The following TENM1 variants were observed in gnomAD, a reference collection of about 807,000 sequenced individuals.
The protein encoded by TENM1 is teneurin transmembrane protein 1.
A neutral mutation model predicts 174.8 loss-of-function variants in TENM1; 35 were observed. The observed-to-expected ratio is 0.20, with a 90% CI of 0.15 to 0.27. TENM1 has a LOEUF of 0.27. Among genes scored for constraint, TENM1 ranks in the 10% least tolerant of loss-of-function variants. The pLI is 1.00. For synonymous variants in TENM1, 781 were observed against 798.7 expected (o/e 0.98, Z 0.37); for missense variants, 1,633 against 2,130.1 (o/e 0.77, Z 4.59).
intron 3 of TENM1, among the ~76,000 whole-genome samples, chrX:124,796,888 G>T (rs759133726): frequency 9.0e-6 from 1 of 111,548 alleles, no homozygotes; most frequent in African/African-American, 3.2e-5. Context: ...TTACCTTGGT[G>T]TTTAAAGCAA....
the TENM1 span, among the ~76,000 whole-genome samples, chrX:125,148,823 C>G: frequency 9.0e-6 from 1 of 111,655 alleles, no homozygotes; most frequent in Non-Finnish European, 1.9e-5. Flanking sequence ...AATATGTCAT[C>G]ATTTCCATTT....
the TENM1 span, among the ~76,000 whole-genome samples, chrX:125,111,431 TAAATA>T: frequency 1.8e-5 from 2 of 110,328 alleles, no homozygotes; most frequent in Non-Finnish European, 3.8e-5. Flanking sequence ...AATAAATAAA[TAAATA>T]AAAGAGTGAC....
rs190708558 is a variant in TENM1 at position 124,889,213 on chromosome X, A to G, written c.535+5083T>C. On this transcript the variant is annotated intron_variant, in intron 3 of 31. Coordinates refer to ENST00000422452, the Ensembl canonical transcript of TENM1. The stretch of plus-strand genomic sequence containing the variant: ...GCATTGGGAATTGCTTCGAGAATCA[A>G]TTGGGTAGGCTTCCAGAAAGCAACA... Among the ~76,000 whole-genome samples the G allele has an allele frequency of 2.7e-5, 3 of 111,175 alleles. No individual in the cohort carries two copies. In the East Asian group the frequency reaches 8.5e-4, roughly 32 times the overall value.
rs961523690 is a variant in TENM1, at chrX:124,897,544, G to A, written c.218-1303C>T. ...ATATTTTTAAAATAACTATTTTTGGGGCATATAATTACCAAATAAGGGTTT... is the reference window on the plus strand; with the variant it reads ...ATATTTTTAAAATAACTATTTTTGGAGCATATAATTACCAAATAAGGGTTT... On this transcript the variant is annotated intron_variant, in intron 1 of 31. Transcript: ENST00000422452. 2.7e-5 allele frequency among the ~76,000 whole-genome samples: 3 copies of A among 111,733 alleles called. No individual in the cohort carries two copies. The Admixed American group carries it at 2.9e-4, about 11-fold the overall frequency.
intron 3 of TENM1, among the ~76,000 whole-genome samples, chrX:124,873,066 C>T (rs2057138491): frequency 9.0e-6 from 1 of 111,015 alleles, no homozygotes; most frequent in Admixed American, 9.6e-5. Context: ...TTGGAAGGAG[C>T]CCTTTAAGCA....
intron 11 of TENM1, among the ~76,000 whole-genome samples, chrX:124,590,232 C>T (rs1724027429): frequency 9.0e-6 from 1 of 111,560 alleles, no homozygotes; most frequent in South Asian, 3.7e-4. Flanking sequence ...GAGAGATCTT[C>T]TCAGTATCAG....
the TENM1 span, among the ~76,000 whole-genome samples, chrX:125,032,395 C>T: frequency 1.8e-5 from 2 of 110,593 alleles, no homozygotes; most frequent in Non-Finnish European, 3.8e-5. Flanking sequence ...GTCTTGAACT[C>T]CTGACCTTAG....
chrX:125,129,320 T>C, the TENM1 span, among the ~76,000 whole-genome samples: 1 of 112,196 alleles, frequency 8.9e-6, no homozygotes, highest in Non-Finnish European at 1.9e-5. Flanking sequence ...AAGTACTTTT[T>C]AAGATTTTGG....
chrX:124,726,610 G>A (rs1833636250), intron 4 of TENM1, among the ~76,000 whole-genome samples: 1 of 111,830 alleles, frequency 8.9e-6, no homozygotes, highest in South Asian at 3.8e-4. Context: ...CCTCCGTGCT[G>A]TTAAAGGATT....
At chrX:124,440,789 C>G (rs764626002) in intron 23 of TENM1, among the ~76,000 whole-genome samples, 23 of 111,233 alleles carry the variant, frequency 2.1e-4, no homozygotes, top group Non-Finnish European at 3.8e-4. Flanking sequence ...CTGAAAAAAG[C>G]CTTTTTAAAT....
chrX:124,756,282 C>A (rs1485949605), intron 3 of TENM1, among the ~76,000 whole-genome samples: 1 of 101,340 alleles, frequency 9.9e-6, no homozygotes, highest in Non-Finnish European at 2.0e-5. Flanking sequence ...TTGATCGCAT[C>A]GGCTCCTGAG....
the TENM1 span, among the ~76,000 whole-genome samples, chrX:125,178,712 T>A: frequency 9.0e-6 from 1 of 111,458 alleles, no homozygotes; most frequent in Non-Finnish European, 1.9e-5. Context: ...AAAATAAACA[T>A]GTTTTGGATT....
intron 1 of TENM1, among the ~76,000 whole-genome samples, chrX:124,946,763 C>T (rs905314277): frequency 1.8e-5 from 2 of 110,150 alleles, no homozygotes; most frequent in Non-Finnish European, 3.8e-5. Flanking sequence ...GCGTTTCCTG[C>T]AAATAGTGGT....
chrX:124,395,715 G>C (rs998430911), intron 27 of TENM1, among the ~76,000 whole-genome samples: 2 of 111,735 alleles, frequency 1.8e-5, no homozygotes, highest in Non-Finnish European at 3.8e-5. Flanking sequence ...TTGATACAAC[G>C]GGCCTGGAAG....
At chrX:124,536,924 C>A (rs1237254804) in intron 15 of TENM1, among the ~76,000 whole-genome samples, 1 of 111,631 alleles carries the variant, frequency 9.0e-6, no homozygotes, top group Non-Finnish European at 1.9e-5. Context: ...TGTCACTTCT[C>A]TGAATCTGCC....
At chrX:124,534,698 T>C (rs771448724) in intron 15 of TENM1, among the ~76,000 whole-genome samples, 2 of 111,483 alleles carry the variant, frequency 1.8e-5, no homozygotes, top group South Asian at 3.8e-4. Flanking sequence ...TTGTTTTTTT[T>C]CCACAGGAAC....
the TENM1 span, among the ~76,000 whole-genome samples, chrX:125,180,691 C>T: frequency 8.2e-5 from 9 of 109,797 alleles, no homozygotes; most frequent in Non-Finnish European, 1.5e-4. Context: ...AGGAGATCCA[C>T]CTTAGTAGGA....
intron 22 of TENM1, among the ~76,000 whole-genome samples, chrX:124,468,962 G>A (rs1424889990): frequency 9.0e-6 from 1 of 111,282 alleles, no homozygotes; most frequent in African/African-American, 3.3e-5. Flanking sequence ...CCTGTCAATG[G>A]ATTATTAGGT....
the TENM1 span, among the ~76,000 whole-genome samples, chrX:124,975,151 T>C: frequency 9.1e-6 from 1 of 109,350 alleles, no homozygotes; most frequent in Non-Finnish European, 1.9e-5. Flanking sequence ...CTCCAGCACC[T>C]TCTAAAGTAA....
Sources: allele counts gnomAD v4.1 joint callset (sites outside exome capture counted in the v4.1 genomes callset), GRCh38; gene constraint gnomAD v4.1.1; transcripts MANE v1.5; gene names NCBI Gene and HGNC (gene_info 2026-07-23, HGNC 2026-07-21).